Variants in RASAL2 observed in about 807,000 individuals in gnomAD.
RASAL2 encodes the protein ras GTPase-activating protein nGAP.
In RASAL2, 58 loss-of-function variants were observed where a neutral mutation model predicts 128.9. The observed-to-expected ratio is 0.45, with a 90% CI of 0.36 to 0.56. The LOEUF is 0.56. RASAL2 is among the 20% of genes least tolerant of loss of function. The probability of loss-of-function intolerance (pLI) is 0.00; values close to 1 mark genes in which losing one functional copy is unlikely to be tolerated. For synonymous variants in RASAL2, 561 were observed against 580.8 expected (o/e 0.97, Z 0.49); for missense variants, 1,360 against 1,601.6 (o/e 0.85, Z 2.57).
chr1:178,442,964 C>T lies in RASAL2; in HGVS notation c.1217C>T (p.Thr406Ile), dbSNP rs765179488. 21 of 1,613,928 alleles carry T rather than the reference C, an allele frequency of 1.3e-5. No homozygotes were observed. The Admixed American group carries it at 3.5e-4, about 27-fold the overall frequency. Residue 406 changes from threonine (T) to isoleucine (I), a missense_variant, in exon 8 of 18, where the codon ACT becomes ATT. Transcript: ENST00000367649. ...GLVNIPTASV[T>I]GRQFVEKWYP... ...GTCAACATCCCCACTGCCAGTGTGA[C>T]TGGTCGCCAATTTGTAGAAAAGTGG...
At chr1:178,246,634 T>C (rs1664777716) in intron 1 of RASAL2, among the ~76,000 whole-genome samples, 1 of 152,096 alleles carries the variant, frequency 6.6e-6, no homozygotes, top group African/African-American at 2.4e-5. Context: ...AGGGCATCCT[T>C]GTCTTGTGCT....
intron 1 of RASAL2, among the ~76,000 whole-genome samples, chr1:178,210,311 C>T (rs1003288495): frequency 1.3e-5 from 2 of 152,086 alleles, no homozygotes; most frequent in African/African-American, 4.8e-5. Flanking sequence ...TTGACCTGGC[C>T]TTGTAATTCA....
At chr1:178,426,097 T>C (rs1244905252) in intron 5 of RASAL2, among the ~76,000 whole-genome samples, 1 of 152,168 alleles carries the variant, frequency 6.6e-6, no homozygotes, top group Non-Finnish European at 1.5e-5. Flanking sequence ...TACATTTATA[T>C]CTGTAGGTTT....
At chr1:178,295,096 T>G (rs1382179321) in intron 2 of RASAL2, among the ~76,000 whole-genome samples, 4 of 152,090 alleles carry the variant, frequency 2.6e-5, no homozygotes, top group African/African-American at 9.7e-5. Context: ...GCCAAATGAT[T>G]TATTTATATC....
At chr1:178,341,651 A>G (rs758351971) in intron 3 of RASAL2, 2 of 1,613,186 alleles carry the variant, frequency 1.2e-6, no homozygotes, top group Non-Finnish European at 1.7e-6. Context: ...AAAGTCACGT[A>G]TTTAAGGGGA....
intron 1 of RASAL2, among the ~76,000 whole-genome samples, chr1:178,106,844 G>A (rs61813779): frequency 0.11 from 15,999 of 152,142 alleles, 1,082 homozygotes; most frequent in East Asian, 0.18. Context: ...ATTTTAGGTT[G>A]TAGTTTTGGT....
chr1:178,444,413 G>A lies in RASAL2; in HGVS notation c.1483-1105G>A, dbSNP rs60991701. On this transcript the variant is annotated intron_variant, in intron 8 of 17. Coordinates refer to ENST00000367649, the MANE Select transcript of RASAL2 (RefSeq NM_170692.4). The stretch of plus-strand genomic sequence containing the variant: ...TAGTGATTCCTAAGTCTACAACTCT[G>A]TTATACTGTTAAGCTGCCCCAGAGT... Among the ~76,000 whole-genome samples the A allele has an allele frequency of 5.5e-3, 841 of 152,162 alleles. 10 individuals carry two copies. The highest frequency in any genetic ancestry group is 0.019 in the African/African-American group (786 of 41,498).
At chr1:178,232,602 A>C (rs930244449) in intron 1 of RASAL2, among the ~76,000 whole-genome samples, 2 of 152,182 alleles carry the variant, frequency 1.3e-5, no homozygotes, top group Non-Finnish European at 2.9e-5. Context: ...ATTTACACTA[A>C]AAATGGTGTT....
chr1:178,400,187 A>G (rs1673521822), intron 4 of RASAL2, among the ~76,000 whole-genome samples: 1 of 152,156 alleles, frequency 6.6e-6, no homozygotes, highest in South Asian at 2.1e-4. Context: ...TTCATTGTCT[A>G]ATTTTGTACT....
At chr1:178,180,113 C>T (rs1168638132) in intron 1 of RASAL2, among the ~76,000 whole-genome samples, 1 of 151,974 alleles carries the variant, frequency 6.6e-6, no homozygotes, top group Non-Finnish European at 1.5e-5. Flanking sequence ...TTGTATGTAG[C>T]TTTGAGATAC....
At chr1:178,431,240 A>G (rs1675876606) in intron 5 of RASAL2, among the ~76,000 whole-genome samples, 2 of 152,138 alleles carry the variant, frequency 1.3e-5, no homozygotes, top group African/African-American at 2.4e-5. Context: ...GAGTGTTTAC[A>G]TATCAGTTAA....
intron 1 of RASAL2, among the ~76,000 whole-genome samples, chr1:178,149,723 C>T (rs1035809948): frequency 6.6e-5 from 10 of 152,098 alleles, no homozygotes; most frequent in South Asian, 4.2e-4. Context: ...TTCCTTCTAC[C>T]GCCTTTCTAG....
At chr1:178,134,551 T>C (rs1660242165) in intron 1 of RASAL2, among the ~76,000 whole-genome samples, 1 of 151,948 alleles carries the variant, frequency 6.6e-6, no homozygotes, top group African/African-American at 2.4e-5. Flanking sequence ...ATCTTTTTCG[T>C]ATTCTAATTG....
At chr1:178,264,332 C>T (rs774498123) in intron 1 of RASAL2, among the ~76,000 whole-genome samples, 8 of 152,160 alleles carry the variant, frequency 5.3e-5, no homozygotes, top group Non-Finnish European at 1.0e-4. Flanking sequence ...CATGTATTCA[C>T]GTACGCATAC....
At chr1:178,426,415 G>A (rs1020167706) in intron 5 of RASAL2, among the ~76,000 whole-genome samples, 2 of 152,250 alleles carry the variant, frequency 1.3e-5, no homozygotes, top group Admixed American at 1.3e-4. Context: ...CGTCAAGGCT[G>A]CAGTCAGCCG....
At chr1:178,255,325 C>T (rs1405456186) in intron 1 of RASAL2, among the ~76,000 whole-genome samples, 1 of 151,922 alleles carries the variant, frequency 6.6e-6, no homozygotes, top group African/African-American at 2.4e-5. Context: ...CTTATTTTCT[C>T]CTTTCTTTTT....
intron 2 of RASAL2, among the ~76,000 whole-genome samples, chr1:178,297,459 C>T (rs1667566387): frequency 6.6e-6 from 1 of 150,386 alleles, no homozygotes; most frequent in South Asian, 2.1e-4. Context: ...AAAAAAAAAT[C>T]AGCTGGGCGT....
In RASAL2 at chr1:178,094,515, G is replaced by A. The variant is rs1342200798; in HGVS notation, c.23G>A (p.Gly8Glu). The change falls in exon 1 of 18, where the codon GGA becomes GAA. Residue 8 changes from glycine to glutamate, a missense_variant. Gly to Glu is a moderately conservative substitution (Grantham distance 98). Coordinates refer to ENST00000367649, the MANE Select transcript of RASAL2 (RefSeq NM_170692.4). The part of the protein sequence containing the change: MELSPSS[G>E]GAAEALSWPE... ...ACCATGGAGCTCTCTCCGTCGTCCG[G>A]AGGAGCCGCGGAGGCGCTGTCCTGG... 3 of 1,564,796 alleles carry A rather than the reference G, an allele frequency of 1.9e-6. No homozygotes were observed. In the African/African-American group the frequency reaches 4.1e-5, roughly 21 times the overall value.
intron 5 of RASAL2, among the ~76,000 whole-genome samples, chr1:178,429,593 T>C (rs1346698530): frequency 6.6e-6 from 1 of 152,142 alleles, no homozygotes; most frequent in Non-Finnish European, 1.5e-5. Context: ...GGTGTCTCAA[T>C]TGAAACTGCA....
Sources: allele counts gnomAD v4.1 joint callset (sites outside exome capture counted in the v4.1 genomes callset), GRCh38; gene constraint gnomAD v4.1.1; transcripts MANE v1.5; gene names NCBI Gene and HGNC (gene_info 2026-07-23, HGNC 2026-07-21).